Variants in SAFB observed in about 807,000 individuals in gnomAD.
SAFB encodes scaffold attachment factor B.
A neutral mutation model predicts 101.6 loss-of-function variants in SAFB; 15 were observed. The ratio of observed to expected loss-of-function variants is 0.15; its 90% CI spans 0.10 to 0.23. SAFB has a LOEUF of 0.23. Among genes scored for constraint, SAFB ranks in the 10% least tolerant of loss-of-function variants. The pLI, the probability that SAFB is intolerant of heterozygous loss-of-function variation, is 1.00. For synonymous variants in SAFB, 449 were observed against 407.5 expected (o/e 1.10, Z -1.23); for missense variants, 930 against 1,104.1 (o/e 0.84, Z 2.23).
chr19:5,653,174 T>A lies in SAFB; in HGVS notation c.1353T>A (p.Phe451Leu). 1 of 1,614,160 alleles carries A rather than the reference T, an allele frequency of 6.2e-7. No individual in the cohort carries two copies. The highest frequency in any genetic ancestry group is 8.5e-7 in the Non-Finnish European group (1 of 1,180,046). ...GTCCTGGAGCTCGCTGTTACGGTTT[T>A]GTCACGATGTCCACAGCAGAAGAGG... is the stretch of plus-strand genomic sequence containing the variant. ...ARSPGARCYG[F>L]VTMSTAEEAT... Residue 451 changes from phenylalanine to leucine, a missense_variant, in exon 10 of 21, where the codon TTT becomes TTA. By Grantham distance (22) the Phe-to-Leu change is conservative. This residue lies in a region of SAFB where 68 missense variants were observed against 122.1 expected (regional missense o/e 0.56). Coordinates refer to ENST00000588852, the MANE Select transcript of SAFB (RefSeq NM_001201338.2).
intron 13 of SAFB, among the ~76,000 whole-genome samples, chr19:5,655,097 C>T (rs1167767400): frequency 6.6e-6 from 1 of 152,160 alleles, no homozygotes; most frequent in East Asian, 1.9e-4. Context: ...TGACCTGGCC[C>T]ATCTCGCCAG....
In SAFB at chr19:5,624,484, G is replaced by T. The variant is rs568969545; in HGVS notation, c.189+1090G>T. On this transcript the variant is annotated intron_variant, in intron 1 of 20. Coordinates refer to ENST00000588852, the MANE Select transcript of SAFB (RefSeq NM_001201338.2). The stretch of plus-strand genomic sequence containing the variant: ...AGGCAAGTAAAGGTTAGCCACCTGC[G>T]GTTTCCTTATTCCTGTAGCTTTTTT... 7.2e-5 allele frequency among the ~76,000 whole-genome samples: 11 copies of T among 152,086 alleles called. No homozygotes were observed. The South Asian group carries it at 2.3e-3, about 32-fold the overall frequency.
intron 6 of SAFB, among the ~76,000 whole-genome samples, chr19:5,648,636 T>C (rs1231757441): frequency 1.3e-5 from 2 of 152,240 alleles, no homozygotes; most frequent in Non-Finnish European, 2.9e-5. Context: ...ATTGAGCTGT[T>C]CAGTGAATGG....
At chr19:5,641,078 C>T (rs1349493860) in intron 2 of SAFB, among the ~76,000 whole-genome samples, 2 of 152,116 alleles carry the variant, frequency 1.3e-5, no homozygotes, top group African/African-American at 4.8e-5. Context: ...CCATGTTTTC[C>T]AGGCTGGTCT....
intron 14 of SAFB, among the ~76,000 whole-genome samples, chr19:5,660,330 C>T (rs1219464523): frequency 1.4e-5 from 2 of 145,168 alleles, no homozygotes; most frequent in Non-Finnish European, 3.0e-5. Context: ...TTAAGTAGCT[C>T]CCTGCACACA....
intron 12 of SAFB, 45 bp from the exon 13 acceptor site, chr19:5,654,323 G>A (rs1356579747): frequency 1.3e-6 from 2 of 1,589,772 alleles, no homozygotes; most frequent in Non-Finnish European, 1.7e-6. Flanking sequence ...TTCTCATCTG[G>A]GTATTCTTGG....
chr19:5,624,571 C>T (rs1224167297), intron 1 of SAFB, among the ~76,000 whole-genome samples: 1 of 152,136 alleles, frequency 6.6e-6, no homozygotes. Flanking sequence ...TCCGCCTGGC[C>T]GCCCACCCCC....
Position 5,626,434 on chromosome 19 carries a change from C to T in SAFB, c.219C>T (p.Asp73=), listed in dbSNP as rs760922137. 9.9e-6 allele frequency: 16 copies of T among 1,610,218 alleles called. No individual in the cohort carries two copies. The highest frequency in any genetic ancestry group is 2.2e-5 in the South Asian group (2 of 90,942). The stretch of plus-strand genomic sequence containing the variant: ...TTGAAGATGAAGGTGGTAATCCTGA[C>T]GAAATTGAAATTACCTCCGAGGGAA... ...KAIEDEGGNP[D]EIEITSEGNK... Residue 73 remains aspartate (D), a synonymous_variant, in exon 2 of 21, where the codon GAC becomes GAT. Transcript: ENST00000588852.
At chr19:5,648,325 A>G (rs530302430) in intron 6 of SAFB, 3 of 433,132 alleles carry the variant, frequency 6.9e-6, no homozygotes, top group East Asian at 4.2e-5. Context: ...ACATAGAGAA[A>G]GAGTTCCAGA....
chr19:5,628,209 C>G (rs905176796), intron 2 of SAFB, among the ~76,000 whole-genome samples: 1 of 152,090 alleles, frequency 6.6e-6, no homozygotes, highest in Non-Finnish European at 1.5e-5. Context: ...CCAGATCGCA[C>G]CACTGCACTC....
intron 3 of SAFB, 37 bp downstream of exon 3, chr19:5,641,695 G>A (rs1298298596): frequency 1.2e-6 from 2 of 1,612,854 alleles, no homozygotes; most frequent in Admixed American, 1.7e-5. Context: ...CGTGGTGGAT[G>A]GACCAGTGGC....
rs2054088382 is a variant in SAFB, at chr19:5,657,426, G to C, written c.1862+79G>C. ...TGTCTTCTGGAAGGATGTTTGCAGAGTTCCCTGGGGTGGGATAGAGCTGTG... is the reference window on the plus strand; with the variant it reads ...TGTCTTCTGGAAGGATGTTTGCAGACTTCCCTGGGGTGGGATAGAGCTGTG... On this transcript the variant is annotated intron_variant, in intron 14 of 20. Coordinates refer to ENST00000588852, the MANE Select transcript of SAFB (RefSeq NM_001201338.2). The C allele has an allele frequency of 1.8e-5, 17 of 937,960 alleles. 1 individual carries two copies. The South Asian group carries it at 2.4e-4, about 13-fold the overall frequency. 58.1% of individuals were successfully genotyped at this position (937,960 alleles called of 1,614,324 possible). A position where few individuals can be genotyped will look rare whatever the true frequency, so the allele number is the denominator to read the frequency against.
chr19:5,667,178 AC>A lies in SAFB; in HGVS notation c.2453+17del. The A allele has an allele frequency of 7.1e-7, 1 of 1,410,796 alleles. No homozygotes were observed. Among genetic ancestry groups the A allele is most frequent in the Non-Finnish European group, 9.8e-7 (1 of 1,022,606 alleles). 87.4% of individuals were successfully genotyped at this position (1,410,796 alleles called of 1,614,324 possible). The stretch of plus-strand genomic sequence containing the variant: ...TCCTCCCCCCAGGTTTGTGTCCCAC[AC>A]CCGACAGTACCTGACCCCCCCCCCG... On this transcript the variant is annotated intron_variant, in intron 18 of 20. Transcript: ENST00000588852. This position sits in a 1 kb window ranked among gnomAD's most constrained non-coding sequence, Gnocchi z 4.0.
At chr19:5,663,684 C>A (rs1160972768) in intron 15 of SAFB, among the ~76,000 whole-genome samples, 1 of 152,134 alleles carries the variant, frequency 6.6e-6, no homozygotes, top group Non-Finnish European at 1.5e-5. Context: ...CTTGACAGAG[C>A]CCCTCGGGGT....
chr19:5,647,889 C>T, intron 5 of SAFB, 127 bp from the exon 6 acceptor site: 3 of 849,164 alleles, frequency 3.5e-6, no homozygotes, highest in Non-Finnish European at 4.0e-6. Flanking sequence ...GGTTCTCCAC[C>T]TCTTGAGTTT....
At chr19:5,653,059 C>CA (rs2053974282) in intron 9 of SAFB, 56 bp from the exon 10 acceptor site, 2 of 1,595,198 alleles carry the variant, frequency 1.3e-6, no homozygotes, top group African/African-American at 2.7e-5. Context: ...TTCATATCCC[C>CA]ATGCCCCGCT....
In SAFB at chr19:5,650,958, A is replaced by G; in HGVS notation, c.1199-20A>G. 6.6e-7 allele frequency: 1 copy of G among 1,509,060 alleles called. No homozygotes were observed. The allele number at this position is 1,509,060 out of a possible 1,614,324, so 93.5% of individuals were successfully genotyped here. On this transcript the variant is annotated intron_variant, in intron 8 of 20. Transcript: ENST00000588852. Reference sequence around the variant, plus strand: ...TCTTGTGGGTATTTGGGTTTTTACTAGAATTTTCTTTTGAAATAGGTCGCA... The same window carrying G: ...TCTTGTGGGTATTTGGGTTTTTACTGGAATTTTCTTTTGAAATAGGTCGCA...
At chr19:5,636,093 G>A (rs115569167) in intron 2 of SAFB, among the ~76,000 whole-genome samples, 1 of 151,966 alleles carries the variant, frequency 6.6e-6, no homozygotes, top group Non-Finnish European at 1.5e-5. Flanking sequence ...TACCTCGGGG[G>A]AGCTTTCCCC....
chr19:5,649,482 C>T lies in SAFB; in HGVS notation c.1131C>T (p.Gly377=), dbSNP rs201780040. 3.7e-5 allele frequency: 18 copies of T among 483,546 alleles called. No individual in the cohort carries two copies. The highest frequency in any genetic ancestry group is 2.0e-4 in the African/African-American group (7 of 34,378). The allele number at this position is 483,546 out of a possible 1,614,324, so 30.0% of individuals were successfully genotyped here. A position where few individuals can be genotyped will look rare whatever the true frequency, so the allele number is the denominator to read the frequency against. Residue 377 remains glycine (G), a synonymous_variant, in exon 7 of 21, where the codon GGC becomes GGT. Transcript: ENST00000588852. ...PAPKESSTSE[G]ADQKMSSPED... ...CTAAAGAGTCCTCAACCAGTGAGGGCGCTGATCAGAAAATGAGGTTTGTTT... is the reference window on the plus strand; with the variant it reads ...CTAAAGAGTCCTCAACCAGTGAGGGTGCTGATCAGAAAATGAGGTTTGTTT...
Sources: allele counts gnomAD v4.1 joint callset (sites outside exome capture counted in the v4.1 genomes callset), GRCh38; gene constraint gnomAD v4.1.1; regional missense constraint gnomAD v4.1.1; non-coding constraint Gnocchi (gnomAD v3.1); transcripts MANE v1.5; gene names NCBI Gene and HGNC (gene_info 2026-07-23, HGNC 2026-07-21).